The following CST3 variants were observed in gnomAD, a reference collection of about 807,000 sequenced individuals.
CST3 encodes cystatin-C.
CST3 carries 14 observed loss-of-function variants against 9.0 expected under a neutral mutation model. The observed-to-expected ratio is 1.56, with a 90% CI of 1.03 to 2.44. The LOEUF is 2.44. Ranked by LOEUF, CST3 falls within the 30% of genes most tolerant of loss-of-function variation. The pLI, the probability that CST3 is intolerant of heterozygous loss-of-function variation, is 0.00. For missense variants in CST3, 237 were observed against 204.3 expected, an observed-to-expected ratio of 1.16 and a Z score of -0.98; for synonymous variants, 96 against 90.2, an observed-to-expected ratio of 1.06 and a Z score of -0.37.
chr20:23,635,182 T>TCTCACA (rs369774064), intron 2 of CST3, 72 bp downstream of exon 2: 6 of 1,104,050 alleles, frequency 5.4e-6, no homozygotes, highest in African/African-American at 3.2e-5. Flanking sequence ...AACATGTGCA[T>TCTCACA]CACACACACA....
chr20:23,635,489 C>A (rs781769955), intron 1 of CST3, 122 bp from the exon 2 acceptor site: 2 of 837,296 alleles, frequency 2.4e-6, no homozygotes, highest in Non-Finnish European at 3.9e-6. Context: ...CCTTCATGAG[C>A]TGCCCACATT....
chr20:23,632,684 G>A (rs919751835), downstream of CST3, among the ~76,000 whole-genome samples: 2 of 152,188 alleles, frequency 1.3e-5, no homozygotes, highest in Non-Finnish European at 2.9e-5. Context: ...AGCCAAAAGA[G>A]GGGGTCAGTG....
At chr20:23,637,383 C>G (rs999298864) in intron 1 of CST3, among the ~76,000 whole-genome samples, 1 of 152,228 alleles carries the variant, frequency 6.6e-6, no homozygotes, top group Non-Finnish European at 1.5e-5. Flanking sequence ...CTCCTGGAAG[C>G]TGATCTTAGG....
rs1023935239 is a variant in CST3, at chr20:23,633,680, G to A, written c.*236C>T. The A allele has an allele frequency of 2.1e-5, 13 of 615,100 alleles. No individual in the cohort carries two copies. The highest frequency in any genetic ancestry group is 3.2e-5 in the Non-Finnish European group (11 of 343,114). The allele number at this position is 615,100 out of a possible 1,614,324, so 38.1% of individuals were successfully genotyped here. On this transcript the variant is annotated 3_prime_UTR_variant, in exon 3 of 3. Transcript: ENST00000376925. ...GAGCCGATGCTACTATTTTATTGCA[G>A]GAGGTGGGGGTGTATGCACCGCACA...
intron 2 of CST3, 48 bp downstream of exon 2, chr20:23,635,206 A>ACC (rs397838066): frequency 2.2e-5 from 30 of 1,386,176 alleles, no homozygotes; most frequent in East Asian, 1.4e-4. Context: ...ACACACACAC[A>ACC]CCCCTCTGCA....
Position 23,635,337 on chromosome 20 carries a change from C to G in CST3, c.274G>C (p.Val92Leu), listed in dbSNP as rs1236616324. 3 of 1,613,694 alleles carry G rather than the reference C, an allele frequency of 1.9e-6. No individual in the cohort carries two copies. The highest frequency in any genetic ancestry group is 2.5e-6 in the Non-Finnish European group (3 of 1,179,880). ...GTACACGTGGTTCGGCCCAGCTCCA[C>G]GTCCAAGAAGTAGTTCACCCCAGCT... ...IVAGVNYFLD[V>L]ELGRTTCTKT... is the part of the protein sequence containing the mutation. Residue 92 changes from valine (V) to leucine (L), a missense_variant, in exon 2 of 3, where the codon GTG becomes CTG. Physicochemically the swap from Val to Leu is conservative, Grantham distance 32 (BLOSUM62 1). Transcript: ENST00000376925.
downstream of CST3, among the ~76,000 whole-genome samples, chr20:23,630,035 G>A (rs1215803264): frequency 2.6e-5 from 4 of 152,216 alleles, no homozygotes; most frequent in Non-Finnish European, 5.9e-5. Flanking sequence ...ATGTGACCAT[G>A]AGACTATCTT....
At chr20:23,632,746 G>A (rs553556770), downstream of CST3, among the ~76,000 whole-genome samples, 2 of 152,354 alleles carry the variant, frequency 1.3e-5, no homozygotes, top group Admixed American at 6.5e-5. Flanking sequence ...AGCACTGGCT[G>A]TAAGGGCTGC....
chr20:23,626,900 T>G (rs1219354295), exon 4 of CST3: 4 of 152,160 alleles, frequency 2.6e-5, no homozygotes, highest in African/African-American at 7.2e-5. Flanking sequence ...AGTTGTGGTG[T>G]TGTTTAATTT....
chr20:23,633,140 G>A (rs1402618731), downstream of CST3, among the ~76,000 whole-genome samples: 3 of 152,172 alleles, frequency 2.0e-5, no homozygotes, highest in East Asian at 5.8e-4. Flanking sequence ...ACACAGACAG[G>A]CTTTTTGGAC....
At chr20:23,629,394 T>C (rs564902589), downstream of CST3, 1 of 152,358 alleles carries the variant, frequency 6.6e-6, no homozygotes, top group Non-Finnish European at 1.5e-5. Flanking sequence ...GGGTAAACAC[T>C]TCCCAGCATC....
chr20:23,635,080 C>T (rs1314564608), intron 2 of CST3, among the ~76,000 whole-genome samples, 174 bp downstream of exon 2: 4 of 152,012 alleles, frequency 2.6e-5, no homozygotes, highest in African/African-American at 9.7e-5. Flanking sequence ...TGCACACACT[C>T]ACGTGCACTT....
chr20:23,637,408 C>G (rs1168340499), intron 1 of CST3, among the ~76,000 whole-genome samples: 3 of 152,230 alleles, frequency 2.0e-5, no homozygotes, highest in Non-Finnish European at 4.4e-5. Flanking sequence ...GGGCGCGGAC[C>G]TGACGTGTCC....
chr20:23,637,799 TCACGGC>T lies in CST3; in HGVS notation c.58_63del (p.Ala20_Val21del). On this transcript the variant is annotated inframe_deletion, in exon 1 of 3. Transcript: ENST00000376925. ...CCGGGACTGGAGCCGGCCGCGGGGC[TCACGGC>T]CAGGGCCACGGCCAGGATGGCCAGC... 1 of 1,413,318 alleles carries T rather than the reference TCACGGC, an allele frequency of 7.1e-7. No individual in the cohort carries two copies. Among genetic ancestry groups the T allele is most frequent in the South Asian group, 1.3e-5 (1 of 79,346 alleles). 87.5% of individuals were successfully genotyped at this position (1,413,318 alleles called of 1,614,324 possible).
chr20:23,629,249 T>C (rs1045931421), downstream of CST3: 1 of 151,464 alleles, frequency 6.6e-6, no homozygotes, highest in Non-Finnish European at 1.5e-5. Context: ...GAAACTGCTA[T>C]TGTTGTTGTA....
chr20:23,634,312 G>T (rs1292148403), intron 2 of CST3, among the ~76,000 whole-genome samples: 6 of 152,184 alleles, frequency 3.9e-5, no homozygotes, highest in Non-Finnish European at 7.4e-5. Context: ...GTACAGGGCA[G>T]GGGGAGGCAG....
At chr20:23,626,761 G>A (rs919751825) in exon 4 of CST3, 12 of 152,194 alleles carry the variant, frequency 7.9e-5, no homozygotes, top group South Asian at 2.1e-4. Flanking sequence ...AGACTTCAAT[G>A]TCAGGACTTC....
At chr20:23,634,076 A>C (rs887206241) in intron 2 of CST3, 77 bp from the exon 3 acceptor site, 2 of 1,181,886 alleles carry the variant, frequency 1.7e-6, no homozygotes, top group Admixed American at 3.4e-5. Flanking sequence ...GGGACATCAG[A>C]GTGGGAGTGA....
Position 23,637,955 on chromosome 20 carries a change from T to G in CST3, c.-93A>C. On this transcript the variant is annotated 5_prime_UTR_variant, in exon 1 of 3. Transcript: ENST00000376925. Reference sequence around the variant, plus strand: ...CCGCTGCGATACCGAGGCGAGGCCGTGAGCCCCGCGAGGCCGGCGACTGCG... The same window carrying G: ...CCGCTGCGATACCGAGGCGAGGCCGGGAGCCCCGCGAGGCCGGCGACTGCG... 5 of 1,237,264 alleles carry G rather than the reference T, an allele frequency of 4.0e-6. No homozygotes were observed. The highest frequency in any genetic ancestry group is 5.1e-6 in the Non-Finnish European group (5 of 986,834). The allele number at this position is 1,237,264 out of a possible 1,614,324, so 76.6% of individuals were successfully genotyped here.
Sources: gnomAD v4.1 joint callset for allele counts (sites outside exome capture counted in the v4.1 genomes callset) on GRCh38, gnomAD v4.1.1 for gene constraint, MANE v1.5 for transcripts, NCBI Gene and HGNC (gene_info 2026-07-23, HGNC 2026-07-21) for gene names.